The following TGFB1 variants were observed in gnomAD, a reference collection of about 807,000 sequenced individuals.
TGFB1 encodes transforming growth factor beta-1 proprotein.
TGFB1 carries 19 observed loss-of-function variants against 43.8 expected under a neutral mutation model. The observed-to-expected ratio is 0.43, with a 90% CI of 0.30 to 0.64. The LOEUF (loss-of-function observed/expected upper bound fraction) is 0.64. Among genes scored for constraint, TGFB1 ranks in the 30% least tolerant of loss-of-function variants. The probability of loss-of-function intolerance (pLI) is 0.11; values close to 1 mark genes in which losing one functional copy is unlikely to be tolerated. For missense variants in TGFB1, 445 were observed against 529.8 expected, an observed-to-expected ratio of 0.84 and a Z score of 1.57; for synonymous variants, 221 against 236.3, an observed-to-expected ratio of 0.94 and a Z score of 0.60.
intron 1 of TGFB1, among the ~76,000 whole-genome samples, chr19:41,349,372 C>A (rs2038155800): frequency 6.6e-6 from 1 of 152,174 alleles, no homozygotes; most frequent in Non-Finnish European, 1.5e-5. Context: ...ACTCTAGAAC[C>A]CATTCCAGTA....
intron 1 of TGFB1, chr19:41,350,811 A>T (rs552151434): frequency 1.6e-4 from 23 of 140,954 alleles, no homozygotes; most frequent in African/African-American, 5.3e-4. Context: ...ACCCAGCCCC[A>T]GTAAGCCCTA....
In TGFB1 at chr19:41,353,388, T is replaced by A; in HGVS notation, c.-344A>T. ...AGACAGGCCGGGGATGAAGGCGGCG[T>A]GCAGGGGGTGCGCCCGAGGTCTGGG... On this transcript the variant is annotated 5_prime_UTR_variant, in exon 1 of 7. Coordinates refer to ENST00000221930, the MANE Select transcript of TGFB1 (RefSeq NM_000660.7). This position sits in a 1 kb window ranked among gnomAD's most constrained non-coding sequence, Gnocchi z 5.9. The A allele has an allele frequency of 4.0e-6, 1 of 248,818 alleles. No individual in the cohort carries two copies. Among genetic ancestry groups the A allele is most frequent in the Non-Finnish European group, 7.7e-6 (1 of 129,438 alleles). 15.4% of individuals were successfully genotyped at this position (248,818 alleles called of 1,614,324 possible). A position where few individuals can be genotyped will look rare whatever the true frequency, so the allele number is the denominator to read the frequency against.
chr19:41,333,658 C>T (rs2037959744), intron 5 of TGFB1, among the ~76,000 whole-genome samples: 1 of 152,182 alleles, frequency 6.6e-6, no homozygotes, highest in African/African-American at 2.4e-5. Context: ...CACACCTGGC[C>T]CCTTCACTTC....
intron 3 of TGFB1, among the ~76,000 whole-genome samples, chr19:41,343,431 GC>G (rs757959655): frequency 6.6e-5 from 10 of 152,136 alleles, no homozygotes; most frequent in South Asian, 2.1e-4. Flanking sequence ...ACCATGCCAG[GC>G]CCCCTAATCC....
chr19:41,332,920 C>G (rs1344777931), intron 5 of TGFB1, among the ~76,000 whole-genome samples: 1 of 152,154 alleles, frequency 6.6e-6, no homozygotes, highest in Non-Finnish European at 1.5e-5. Context: ...AATCTCTGCC[C>G]TCCATGGGCA....
At chr19:41,344,053 A>T (rs1549934) in intron 3 of TGFB1, among the ~76,000 whole-genome samples, 1 of 146,208 alleles carries the variant, frequency 6.8e-6, no homozygotes, top group Non-Finnish European at 1.5e-5. Flanking sequence ...TGTGATTATG[A>T]CTCACTGCAG....
chr19:41,343,139 C>CT (rs67233828), intron 3 of TGFB1, among the ~76,000 whole-genome samples: 84,928 of 143,404 alleles, frequency 0.59, 25,654 homozygotes, highest in African/African-American at 0.7. Context: ...TTTTTCTTTT[C>CT]TTTTTTTTTT....
intron 5 of TGFB1, among the ~76,000 whole-genome samples, chr19:41,337,129 TG>T (rs2037996104): frequency 6.6e-6 from 1 of 151,818 alleles, no homozygotes; most frequent in South Asian, 2.1e-4. Flanking sequence ...TGCTAATTTT[TG>T]TATTTTTAAT....
At position 41,330,981 on chromosome 19, in the gene TGFB1, A is replaced by C; in HGVS notation, c.*71T>G. ...ACGGGTGTCCTTAAATACAGCCCCC[A>C]TGGGCAAGGCAGCGGGGGCGGGGCG... On this transcript the variant is annotated 3_prime_UTR_variant, in exon 7 of 7. Coordinates refer to ENST00000221930, the MANE Select transcript of TGFB1 (RefSeq NM_000660.7). 7.9e-7 allele frequency: 1 copy of C among 1,268,404 alleles called. No homozygotes were observed. The highest frequency in any genetic ancestry group is 3.3e-5 in the East Asian group (1 of 30,124). The allele number at this position is 1,268,404 out of a possible 1,614,324, so 78.6% of individuals were successfully genotyped here. A position where few individuals can be genotyped will look rare whatever the true frequency, so the allele number is the denominator to read the frequency against.
rs768959025 is a variant in TGFB1 at position 41,331,076 on chromosome 19, G to C, written c.1149C>G (p.Ile383Met). Residue 383 changes from isoleucine to methionine, a missense_variant, in exon 7 of 7, where the codon ATC (isoleucine) becomes ATG (methionine). Coordinates refer to ENST00000221930, the MANE Select transcript of TGFB1 (RefSeq NM_000660.7). The part of the protein sequence containing the change: ...KPKVEQLSNM[I>M]VRSCKCS ...CTCAGCTGCACTTGCAGGAGCGCAC[G>C]ATCATGTTGGACAGCTGCTCCACCT... 2.5e-6 allele frequency: 4 copies of C among 1,581,092 alleles called. No homozygotes were observed. The South Asian group carries it at 3.4e-5, about 14-fold the overall frequency.
In TGFB1 at chr19:41,353,110, G is replaced by A. The variant is rs149770409; in HGVS notation, c.-66C>T. On this transcript the variant is annotated 5_prime_UTR_variant, in exon 1 of 7. Coordinates refer to ENST00000221930, the MANE Select transcript of TGFB1 (RefSeq NM_000660.7). This position sits in a 1 kb window ranked among gnomAD's most constrained non-coding sequence, Gnocchi z 5.9. The stretch of plus-strand genomic sequence containing the variant: ...AGGGCTGGTGTGGTGGGGAGGCCCC[G>A]CCCCTGCAGGGGCTGGGGGTCTCCC... The A allele has an allele frequency of 1.4e-5, 20 of 1,435,374 alleles. No individual in the cohort carries two copies. The highest frequency in any genetic ancestry group is 2.8e-5 in the Admixed American group (1 of 35,872). 88.9% of individuals were successfully genotyped at this position (1,435,374 alleles called of 1,614,324 possible). A position where few individuals can be genotyped will look rare whatever the true frequency, so the allele number is the denominator to read the frequency against.
chr19:41,344,594 T>A (rs928370249), intron 3 of TGFB1, among the ~76,000 whole-genome samples, 153 bp downstream of exon 3: 1 of 152,114 alleles, frequency 6.6e-6, no homozygotes, highest in South Asian at 2.1e-4. Flanking sequence ...GATTAGCCAA[T>A]CACTCAGGTT....
chr19:41,340,153 G>A (rs1381138447), intron 5 of TGFB1, among the ~76,000 whole-genome samples: 1 of 151,822 alleles, frequency 6.6e-6, no homozygotes, highest in African/African-American at 2.4e-5. Flanking sequence ...CAACCTTTGA[G>A]GATCTTGGCA....
intron 5 of TGFB1, among the ~76,000 whole-genome samples, chr19:41,338,894 C>CTGCTATT (rs2038020916): frequency 6.6e-6 from 1 of 151,606 alleles, no homozygotes; most frequent in African/African-American, 2.4e-5. Context: ...GAATTCCAGT[C>CTGCTATT]CACAGTAGGC....
chr19:41,341,980 G>A lies in TGFB1; in HGVS notation c.763C>T (p.Arg255Trp), dbSNP rs753735387. The part of the protein sequence containing the change: ...GDLATIHGMN[R>W]PFLLLMATPL... ...GTGGCCATGAGAAGCAGGAAAGGCCGGTTCATGCCATGAATGGTGGCCAGG... is the reference window on the plus strand; with the variant it reads ...GTGGCCATGAGAAGCAGGAAAGGCCAGTTCATGCCATGAATGGTGGCCAGG... Residue 255 changes from arginine to tryptophan, a missense_variant, in exon 5 of 7, where the codon CGG becomes TGG. Around this residue, in one of 3 missense-constraint regions of TGFB1, gnomAD observed 366 missense variants for 428.8 expected, o/e 0.85. Coordinates refer to ENST00000221930, the MANE Select transcript of TGFB1 (RefSeq NM_000660.7). 1.1e-5 allele frequency: 17 copies of A among 1,614,194 alleles called. No homozygotes were observed. Among genetic ancestry groups the A allele is most frequent in the East Asian group, 2.2e-5 (1 of 44,880 alleles).
At chr19:41,352,658 C>T (rs146857212) in intron 1 of TGFB1, 32 bp downstream of exon 1, 1 of 1,609,902 alleles carries the variant, frequency 6.2e-7, no homozygotes, top group Non-Finnish European at 8.5e-7. Flanking sequence ...CTGGGGGCCC[C>T]CCTCCCGGCT....
chr19:41,348,240 A>ACAG, intron 2 of TGFB1, 55 bp downstream of exon 2: 2 of 1,605,388 alleles, frequency 1.2e-6, no homozygotes, highest in Non-Finnish European at 8.5e-7. Context: ...CCCCTTGGTC[A>ACAG]CAGCTCACCC....
At chr19:41,346,792 C>A (rs1279228554) in intron 2 of TGFB1, among the ~76,000 whole-genome samples, 2 of 152,112 alleles carry the variant, frequency 1.3e-5, no homozygotes, top group African/African-American at 4.8e-5. Context: ...GTGGTATGAT[C>A]TCCGCTCACT....
In TGFB1 at chr19:41,331,219, G is replaced by C. The variant is rs1408083335; in HGVS notation, c.1015-9C>G. 2 of 1,510,010 alleles carry C rather than the reference G, an allele frequency of 1.3e-6. No homozygotes were observed. The highest frequency in any genetic ancestry group is 2.5e-5 in the East Asian group (1 of 39,724). The allele number at this position is 1,510,010 out of a possible 1,614,324, so 93.5% of individuals were successfully genotyped here. Reference sequence around the variant, plus strand: ...TTGTACAGGGCCAGGACCTGCGGGCGGCGGGCGGGGTCAGGGCTCAGGGCT... The same window carrying C: ...TTGTACAGGGCCAGGACCTGCGGGCCGCGGGCGGGGTCAGGGCTCAGGGCT... On this transcript the variant is annotated splice_polypyrimidine_tract_variant and intron_variant, in intron 6 of 6. Coordinates refer to ENST00000221930, the MANE Select transcript of TGFB1 (RefSeq NM_000660.7).
Sources: gnomAD v4.1 joint callset for allele counts (sites outside exome capture counted in the v4.1 genomes callset) on GRCh38, gnomAD v4.1.1 for gene constraint, gnomAD v4.1.1 regional missense constraint, Gnocchi (gnomAD v3.1) non-coding constraint, MANE v1.5 for transcripts, NCBI Gene and HGNC (gene_info 2026-07-23, HGNC 2026-07-21) for gene names.